The following MYCBPAP variants were observed in gnomAD, a reference collection of about 807,000 sequenced individuals.
MYCBPAP encodes MYCBP-associated protein.
Under a neutral mutation model 106.1 loss-of-function variants are expected in MYCBPAP, and 60 were observed. The observed-to-expected ratio is 0.57, with a 90% CI of 0.46 to 0.70. The LOEUF is 0.70. MYCBPAP is among the 30% of genes least tolerant of loss of function. The pLI is 0.00. For missense variants in MYCBPAP, 1,064 were observed against 1,169.3 expected (o/e 0.91, Z 1.31); for synonymous variants, 407 against 440.6 (o/e 0.92, Z 0.95).
At chr17:50,525,705 G>A (rs1176856354) in intron 13 of MYCBPAP, among the ~76,000 whole-genome samples, 176 bp from the exon 14 acceptor site, 12 of 138,240 alleles carry the variant, frequency 8.7e-5, no homozygotes, top group East Asian at 2.3e-4. Context: ...CATACAGGCC[G>A]GTCTTGAACT....
intron 1 of MYCBPAP, among the ~76,000 whole-genome samples, chr17:50,515,250 C>A (rs530933560): frequency 6.7e-6 from 1 of 150,192 alleles, no homozygotes; most frequent in Non-Finnish European, 1.5e-5. Context: ...CTGGTTGTTC[C>A]CCCCCACCAT....
In MYCBPAP at chr17:50,508,930, A is replaced by T. The variant is rs185975668; in HGVS notation, c.76+180A>T. 2,585 of 721,176 alleles carry T rather than the reference A, an allele frequency of 3.6e-3. 12 individuals are homozygous for T. The highest frequency in any genetic ancestry group is 5.6e-3 in the Non-Finnish European group (2,219 of 398,416). The allele number at this position is 721,176 out of a possible 1,614,324, so 44.7% of individuals were successfully genotyped here. On this transcript the variant is annotated intron_variant, in intron 1 of 18. Transcript: ENST00000323776. ...ATGGGGGGCAAGGCAGGAAGAGCCT[A>T]CAGCGCACTGGGCCTTGGGGATGGG...
At position 50,517,673 on chromosome 17, in the gene MYCBPAP, T is replaced by C. The variant is rs138991484; in HGVS notation, c.443T>C (p.Ile148Thr). The C allele has an allele frequency of 8.5e-5, 137 of 1,614,104 alleles. 1 individual carries two copies. In the East Asian group the frequency reaches 2.8e-3, roughly 33 times the overall value. ...ILGSLQDFKR[I>T]ALARGNTQLA... Reference sequence around the variant, plus strand: ...GGGAGTCTCCAGGATTTTAAGAGAATTGCACTTGCTCGAGGGAACACCCAG... The same window carrying C: ...GGGAGTCTCCAGGATTTTAAGAGAACTGCACTTGCTCGAGGGAACACCCAG... Residue 148 changes from isoleucine (I) to threonine (T), a missense_variant, in exon 4 of 19, where the codon ATT (isoleucine) becomes ACT (threonine). Coordinates refer to ENST00000323776, the MANE Select transcript of MYCBPAP (RefSeq NM_032133.6).
At chr17:50,519,391 C>A in intron 6 of MYCBPAP, 1 of 590,332 alleles carries the variant, frequency 1.7e-6, no homozygotes. Flanking sequence ...AAGAGTCCCC[C>A]ACCTTTTTTT....
At chr17:50,518,950 C>T (rs370283543) in intron 5 of MYCBPAP, 24 bp from the exon 6 acceptor site, 44 of 1,601,252 alleles carry the variant, frequency 2.7e-5, no homozygotes, top group Non-Finnish European at 3.5e-5. Flanking sequence ...GGCAGAGTGG[C>T]GGCAATCTTG....
Position 50,529,023 on chromosome 17 carries a change from T to C in MYCBPAP, c.2559T>C (p.Arg853=). ...KGAKLLGKED[R]PNSKKHKAKD... is the part of the protein sequence containing the mutation. ...GTGTCTCCCTCCCCCAGCAGGACCG[T>C]CCCAACAGCAAGAAGCACAAGGCAA... The change falls in exon 18 of 19, where the codon CGT becomes CGC. Residue 853 remains arginine (R), a synonymous_variant. Coordinates refer to ENST00000323776, the MANE Select transcript of MYCBPAP (RefSeq NM_032133.6). 6.2e-7 allele frequency: 1 copy of C among 1,613,558 alleles called. No individual in the cohort carries two copies. The highest frequency in any genetic ancestry group is 1.1e-5 in the South Asian group (1 of 91,030).
At chr17:50,519,162 C>CACAGGG (rs2034166715) in intron 6 of MYCBPAP, 73 bp downstream of exon 6, 1 of 1,077,390 alleles carries the variant, frequency 9.3e-7, no homozygotes, top group South Asian at 1.4e-5. Context: ...GGTGTCTGGA[C>CACAGGG]ACAGGGATGC....
At chr17:50,521,845 T>A in intron 9 of MYCBPAP, 128 bp from the exon 10 acceptor site, 1 of 758,950 alleles carries the variant, frequency 1.3e-6, no homozygotes, top group Non-Finnish European at 2.2e-6. Context: ...GGGAGTGGAG[T>A]TGATCATACT....
Position 50,529,008 on chromosome 17 carries a change from C to T in MYCBPAP, c.2554-10C>T, listed in dbSNP as rs754250775. The stretch of plus-strand genomic sequence containing the variant: ...TCCTGAAGGCTATGTGTGTCTCCCT[C>T]CCCCAGCAGGACCGTCCCAACAGCA... On this transcript the variant is annotated splice_polypyrimidine_tract_variant and intron_variant, in intron 17 of 18. Transcript: ENST00000323776. 2 of 1,612,164 alleles carry T rather than the reference C, an allele frequency of 1.2e-6. No individual in the cohort carries two copies. Among genetic ancestry groups the T allele is most frequent in the South Asian group, 2.2e-5 (2 of 90,778 alleles).
chr17:50,525,449 C>T lies in MYCBPAP; in HGVS notation c.1782+426C>T, dbSNP rs150861691. Among the ~76,000 whole-genome samples the T allele has an allele frequency of 1.1e-3, 174 of 152,278 alleles. 2 individuals carry two copies. Among genetic ancestry groups the T allele is most frequent in the African/African-American group, 3.9e-3 (163 of 41,542 alleles). The stretch of plus-strand genomic sequence containing the variant: ...CATCTTCCATGAGTAACTCACCTCT[C>T]TTCACAGCAGTCCTATGAGATGGGT... On this transcript the variant is annotated intron_variant, in intron 13 of 18. Coordinates refer to ENST00000323776, the MANE Select transcript of MYCBPAP (RefSeq NM_032133.6).
intron 17 of MYCBPAP, 42 bp from the exon 18 acceptor site, chr17:50,528,976 C>G: frequency 6.2e-7 from 1 of 1,604,052 alleles, no homozygotes; most frequent in Non-Finnish European, 8.5e-7. Context: ...TGGCCTACCT[C>G]TGGAGCTCCT....
At chr17:50,529,498 C>T in intron 18 of MYCBPAP, 1 of 386,082 alleles carries the variant, frequency 2.6e-6, no homozygotes, top group Non-Finnish European at 5.0e-6. Flanking sequence ...AAGAGTGCTC[C>T]AGGCATGGGG....
At chr17:50,525,659 C>CTCTTTTTTTTTTTTTTTTTT (rs57947501) in intron 13 of MYCBPAP, among the ~76,000 whole-genome samples, 1 of 131,362 alleles carries the variant, frequency 7.6e-6, no homozygotes, top group African/African-American at 2.9e-5. Flanking sequence ...GCTAATTTCT[C>CTCTTTTTTTTTTTTTTTTTT]TTTTTTTTTT....
chr17:50,518,868 T>A, intron 5 of MYCBPAP, 106 bp from the exon 6 acceptor site: 1 of 1,439,976 alleles, frequency 6.9e-7, no homozygotes, highest in Non-Finnish European at 9.7e-7. Flanking sequence ...GAAGCTTCAG[T>A]GGATCCTGAA....
intron 13 of MYCBPAP, 76 bp from the exon 14 acceptor site, chr17:50,525,804 TG>T (rs1180788309): frequency 1.1e-5 from 17 of 1,488,800 alleles, no homozygotes; most frequent in Non-Finnish European, 1.4e-5. Context: ...GTACTATTTA[TG>T]TCCTTATTTA....
At chr17:50,515,592 A>T (rs982904785) in intron 1 of MYCBPAP, among the ~76,000 whole-genome samples, 1 of 152,132 alleles carries the variant, frequency 6.6e-6, no homozygotes, top group African/African-American at 2.4e-5. Flanking sequence ...TCACCTAGGG[A>T]GTTGAAAAAA....
chr17:50,525,982 G>A lies in MYCBPAP; in HGVS notation c.1884G>A (p.Glu628=), dbSNP rs762701461. Residue 628 remains glutamate (E), a synonymous_variant, in exon 14 of 19, where the codon GAG becomes GAA. Transcript: ENST00000323776. ...KAEEARPGDK[E]HVSPIATEKA... ...AGGAGGCCAGGCCAGGGGACAAGGA[G>A]CACGTCAGCCCCATAGCCACAGAGA... The A allele has an allele frequency of 1.2e-6, 2 of 1,613,890 alleles. No individual in the cohort carries two copies. Among genetic ancestry groups the A allele is most frequent in the East Asian group, 4.5e-5 (2 of 44,868 alleles).
At chr17:50,512,979 G>C (rs2033910505) in intron 1 of MYCBPAP, among the ~76,000 whole-genome samples, 1 of 152,176 alleles carries the variant, frequency 6.6e-6, no homozygotes, top group African/African-American at 2.4e-5. Flanking sequence ...GACTTTGGGA[G>C]GCTGAGGCAG....
Position 50,523,219 on chromosome 17 carries a change from C to T in MYCBPAP, c.1447+91C>T, listed in dbSNP as rs1365117600. On this transcript the variant is annotated intron_variant, in intron 11 of 18. Coordinates refer to ENST00000323776, the MANE Select transcript of MYCBPAP (RefSeq NM_032133.6). ...ATCAAAGTTTAGTTATGGCCCAGCT[C>T]CTGTAAGTTTGAGCCCTGCTTCCCT... 14 of 1,341,800 alleles carry T rather than the reference C, an allele frequency of 1.0e-5. No individual in the cohort carries two copies. The East Asian group carries it at 3.2e-4, about 31-fold the overall frequency. The allele number at this position is 1,341,800 out of a possible 1,614,324, so 83.1% of individuals were successfully genotyped here.
Sources: gnomAD v4.1 joint callset for allele counts (sites outside exome capture counted in the v4.1 genomes callset) on GRCh38, gnomAD v4.1.1 for gene constraint, MANE v1.5 for transcripts, NCBI Gene and HGNC (gene_info 2026-07-23, HGNC 2026-07-21) for gene names.